Variants in SLC26A8 observed in about 807,000 individuals in gnomAD.
SLC26A8 encodes the protein solute carrier family 26 member 8.
A neutral mutation model predicts 105.0 loss-of-function variants in SLC26A8; 70 were observed. That is an observed-to-expected ratio of 0.67 (90% CI 0.55 to 0.81). The LOEUF (loss-of-function observed/expected upper bound fraction) is 0.81. Among genes scored for constraint, SLC26A8 ranks in the 40% least tolerant of loss-of-function variants. SLC26A8 has a pLI of 0.00. For synonymous variants in SLC26A8, 415 were observed against 438.3 expected, an observed-to-expected ratio of 0.95 and a Z score of 0.66; for missense variants, 998 against 1,181.8, an observed-to-expected ratio of 0.84 and a Z score of 2.28.
At chr6:36,010,530 T>C (rs1418987995) in intron 3 of SLC26A8, among the ~76,000 whole-genome samples, 1 of 149,658 alleles carries the variant, frequency 6.7e-6, no homozygotes, top group Non-Finnish European at 1.5e-5. Context: ...AATCTATATA[T>C]GTATTCTTTT....
rs200862862 is a variant in SLC26A8 at position 35,955,174 on chromosome 6, C to T, written c.2210G>A (p.Arg737Gln). Residue 737 changes from arginine to glutamine, a missense_variant, in exon 17 of 20, where the codon CGG becomes CAG. Transcript: ENST00000490799. Reference protein sequence around the residue: ...DFSMVHYVDSRGLVVLRQICN... With the variant: ...DFSMVHYVDSQGLVVLRQICN... ...TACCTGTCTTAATACGACTAACCCC[C>T]GTGAATCCACGTAGTGTACCATGGA... 34 of 1,613,954 alleles carry T rather than the reference C, an allele frequency of 2.1e-5. No individual in the cohort carries two copies. In the East Asian group the frequency reaches 2.7e-4, roughly 13 times the overall value.
In SLC26A8 at chr6:35,955,413, G is replaced by A. The variant is rs1205320266; in HGVS notation, c.1971C>T (p.Ser657=). The A allele has an allele frequency of 1.2e-5, 19 of 1,614,024 alleles. No individual in the cohort carries two copies. The highest frequency in any genetic ancestry group is 1.1e-4 in the African/African-American group (8 of 74,902). ...FESMNTSQTA[S]EDQVPYTVSS... is the part of the protein sequence containing the mutation. ...ATACTGTGTATGGCACTTGGTCTTC[G>A]GATGCAGTTTGGCTTGTGTTCATGC... The change falls in exon 17 of 20, where the codon TCC becomes TCT. Residue 657 remains serine (S), a synonymous_variant. Transcript: ENST00000490799.
intron 19 of SLC26A8, among the ~76,000 whole-genome samples, chr6:35,946,349 G>A (rs1045059839): frequency 6.6e-6 from 1 of 152,176 alleles, no homozygotes; most frequent in African/African-American, 2.4e-5. Flanking sequence ...TGATTCTCCT[G>A]CCTCAGGCTC....
intron 2 of SLC26A8, among the ~76,000 whole-genome samples, chr6:36,018,812 G>A (rs886893134): frequency 6.6e-6 from 1 of 152,224 alleles, no homozygotes; most frequent in Non-Finnish European, 1.5e-5. Context: ...GGTATCAGAG[G>A]TGGTGGTGGT....
At chr6:35,967,116 C>A (rs776921130) in intron 11 of SLC26A8, among the ~76,000 whole-genome samples, 1 of 152,144 alleles carries the variant, frequency 6.6e-6, no homozygotes, top group Non-Finnish European at 1.5e-5. Context: ...GGACCGCTTG[C>A]GTGTCAATTT....
At chr6:35,996,690 G>A (rs1173385985) in intron 5 of SLC26A8, among the ~76,000 whole-genome samples, 1 of 152,072 alleles carries the variant, frequency 6.6e-6, no homozygotes, top group Non-Finnish European at 1.5e-5. Context: ...GGGACTACAG[G>A]CACATGCTAC....
intron 16 of SLC26A8, among the ~76,000 whole-genome samples, chr6:35,957,571 G>T (rs945620739): frequency 6.6e-6 from 1 of 151,404 alleles, no homozygotes; most frequent in Admixed American, 6.6e-5. Flanking sequence ...GGAGATGTGA[G>T]CTCCTCTAGG....
chr6:35,962,702 G>C, intron 11 of SLC26A8, 81 bp from the exon 12 acceptor site: 2 of 1,319,138 alleles, frequency 1.5e-6, no homozygotes, highest in East Asian at 2.4e-5. Context: ...ATCACAAAAA[G>C]TTAGCCTTGC....
Position 35,955,449 on chromosome 6 carries a change from T to C in SLC26A8, c.1935A>G (p.Ser645=), listed in dbSNP as rs190478474. ...GGCTTGTGTTCATGCTCTCAAAATG[T>C]GAGCAGTGAATCAGGTTAATGGAGG... The part of the protein sequence containing the change: ...EASSINLIHC[S]HFESMNTSQT... Residue 645 remains serine, a synonymous_variant, in exon 17 of 20, where the codon TCA becomes TCG. Coordinates refer to ENST00000490799, the MANE Select transcript of SLC26A8 (RefSeq NM_052961.4). 1.6e-5 allele frequency: 26 copies of C among 1,614,152 alleles called. No individual in the cohort carries two copies. In the Admixed American group the frequency reaches 4.2e-4, roughly 26 times the overall value.
chr6:36,024,250 A>G (rs1340253104), intron 1 of SLC26A8: 1 of 318,652 alleles, frequency 3.1e-6, no homozygotes, highest in Non-Finnish European at 6.1e-6. Context: ...GAGAATTTGA[A>G]AGGATGCAGC....
chr6:35,997,810 G>C lies in SLC26A8; in HGVS notation c.555C>G (p.Pro185=). The change falls in exon 5 of 20, where the codon CCC becomes CCG. Residue 185 remains proline (P), a synonymous_variant. Coordinates refer to ENST00000490799, the MANE Select transcript of SLC26A8 (RefSeq NM_052961.4). ...GSFVKNEFSA[P]SYLMGYNKSL... is the part of the protein sequence containing the mutation. ...ATTTATTATAGCCCATAAGGTAGGA[G>C]GGGGCCGAAAACTCATTCTTGACGA... The C allele has an allele frequency of 6.2e-7, 1 of 1,614,034 alleles. No homozygotes were observed. Among genetic ancestry groups the C allele is most frequent in the Admixed American group, 1.7e-5 (1 of 59,996 alleles).
intron 11 of SLC26A8, among the ~76,000 whole-genome samples, chr6:35,965,906 G>T (rs58141882): frequency 0.02 from 2,984 of 150,374 alleles, 72 homozygotes; most frequent in African/African-American, 0.068. Context: ...CAGGAAAATT[G>T]CTTGAACCTG....
At chr6:35,985,463 G>A (rs1298577758) in intron 7 of SLC26A8, among the ~76,000 whole-genome samples, 1 of 151,956 alleles carries the variant, frequency 6.6e-6, no homozygotes, top group East Asian at 1.9e-4. Context: ...GGGAGGCCAA[G>A]GTGGGCAGAT....
At chr6:36,023,669 T>C (rs1002191523) in intron 1 of SLC26A8, among the ~76,000 whole-genome samples, 4 of 152,220 alleles carry the variant, frequency 2.6e-5, no homozygotes, top group Non-Finnish European at 2.9e-5. Flanking sequence ...ATCTTCCCCC[T>C]GATATTGTTA....
At chr6:35,969,192 G>A (rs753681056) in intron 10 of SLC26A8, 16 of 469,088 alleles carry the variant, frequency 3.4e-5, no homozygotes, top group Non-Finnish European at 5.9e-5. Context: ...AAAGCTCCAC[G>A]TTGTCCTGGG....
intron 9 of SLC26A8, 121 bp from the exon 10 acceptor site, chr6:35,975,609 A>C: frequency 1.7e-6 from 1 of 598,272 alleles, no homozygotes; most frequent in Non-Finnish European, 3.0e-6. Flanking sequence ...CACTTGAAAT[A>C]ACAGATTGAA....
At chr6:35,948,686 GAATAT>G (rs1318909237) in intron 19 of SLC26A8, among the ~76,000 whole-genome samples, 2 of 152,176 alleles carry the variant, frequency 1.3e-5, no homozygotes, top group Non-Finnish European at 2.9e-5. Context: ...GTTTTCATAA[GAATAT>G]AATATTTTAT....
chr6:35,948,850 C>T (rs1352503121), intron 19 of SLC26A8, among the ~76,000 whole-genome samples: 1 of 152,222 alleles, frequency 6.6e-6, no homozygotes, highest in East Asian at 1.9e-4. Flanking sequence ...CATAAGGGCT[C>T]TGCCCTTGTG....
At chr6:35,959,176 C>T (rs1772210648) in intron 16 of SLC26A8, among the ~76,000 whole-genome samples, 1 of 152,198 alleles carries the variant, frequency 6.6e-6, no homozygotes, top group African/African-American at 2.4e-5. Flanking sequence ...ATTACAGTCT[C>T]AACAGGCAAA....
Sources: allele counts gnomAD v4.1 joint callset (sites outside exome capture counted in the v4.1 genomes callset), GRCh38; gene constraint gnomAD v4.1.1; transcripts MANE v1.5; gene names NCBI Gene and HGNC (gene_info 2026-07-23, HGNC 2026-07-21).